Variants in TBC1D16 observed in about 807,000 individuals in gnomAD.
The protein encoded by TBC1D16 is CTD-2529O21.1.
Under a neutral mutation model 74.7 loss-of-function variants are expected in TBC1D16, and 58 were observed. The observed-to-expected ratio is 0.78, with a 90% CI of 0.63 to 0.97. The LOEUF is 0.97. Among genes scored for constraint, TBC1D16 ranks in the 50% least tolerant of loss-of-function variants. TBC1D16 has a pLI of 0.00. For missense variants in TBC1D16, 1,014 were observed against 1,079.5 expected (o/e 0.94, Z 0.85); for synonymous variants, 493 against 474.7 (o/e 1.04, Z -0.50).
At chr17:79,972,470 T>G (rs948816389) in intron 3 of TBC1D16, among the ~76,000 whole-genome samples, 2 of 152,170 alleles carry the variant, frequency 1.3e-5, no homozygotes, top group Admixed American at 1.3e-4. Flanking sequence ...TGTGAGCCAC[T>G]GCGCCCTGCT....
Position 79,959,175 on chromosome 17 carries a change from C to T in TBC1D16, c.780-6357G>A, listed in dbSNP as rs938940202. Among the ~76,000 whole-genome samples the T allele has an allele frequency of 2.6e-5, 4 of 152,106 alleles. No homozygotes were observed. In the South Asian group the frequency reaches 6.2e-4, roughly 24 times the overall value. ...AAAAAAATCCCCACATAAAATACTT[C>T]GGAATAAGCCTGACAAAAGACATTC... On this transcript the variant is annotated intron_variant, in intron 3 of 11. Coordinates refer to ENST00000310924, the MANE Select transcript of TBC1D16 (RefSeq NM_019020.4).
At position 79,934,266 on chromosome 17, in the gene TBC1D16, A is replaced by G. The variant is rs2031445018; in HGVS notation, c.*6593T>C. ...ATCCAGGGAACCAGCTGCCGGACAAATTGGAAGGGACCTTCTTGGCAGGAC... is the reference window on the plus strand; with the variant it reads ...ATCCAGGGAACCAGCTGCCGGACAAGTTGGAAGGGACCTTCTTGGCAGGAC... On this transcript the variant is annotated 3_prime_UTR_variant, in exon 12 of 12. Transcript: ENST00000310924. The G allele has an allele frequency of 6.6e-6, 1 of 152,460 alleles. No individual in the cohort carries two copies. Among genetic ancestry groups the G allele is most frequent in the Non-Finnish European group, 1.5e-5 (1 of 68,216 alleles). 9.4% of individuals were successfully genotyped at this position (152,460 alleles called of 1,614,324 possible). A position where few individuals can be genotyped will look rare whatever the true frequency, so the allele number is the denominator to read the frequency against.
In TBC1D16 at chr17:80,022,096, C is replaced by T. The variant is rs998235040; in HGVS notation, c.-62-8487G>A. Among the ~76,000 whole-genome samples, 3 of 149,640 alleles carry T rather than the reference C, an allele frequency of 2.0e-5. 1 individual carries two copies. The highest frequency in any genetic ancestry group is 5.1e-5 in the African/African-American group (2 of 39,112). On this transcript the variant is annotated intron_variant, in intron 1 of 11. Coordinates refer to ENST00000310924, the MANE Select transcript of TBC1D16 (RefSeq NM_019020.4). ...ATATAATCCTTTCCAAGCTAAAGATCGTTAAACATTGGTCTATATTTTCTT... is the reference window on the plus strand; with the variant it reads ...ATATAATCCTTTCCAAGCTAAAGATTGTTAAACATTGGTCTATATTTTCTT...
Position 79,961,638 on chromosome 17 carries a change from G to A in TBC1D16, c.780-8820C>T, listed in dbSNP as rs1221720283. ...GCACTTTGGGAGGCCGAGGCTGGTG[G>A]ATCACCTGAGGTCAGGAGTTTGAGA... is the stretch of plus-strand genomic sequence containing the variant. On this transcript the variant is annotated intron_variant, in intron 3 of 11. Coordinates refer to ENST00000310924, the MANE Select transcript of TBC1D16 (RefSeq NM_019020.4). This position sits in a 1 kb window ranked among gnomAD's most constrained non-coding sequence, Gnocchi z 4.8. 6.6e-6 allele frequency among the ~76,000 whole-genome samples: 1 copy of A among 152,188 alleles called. No homozygotes were observed. The highest frequency in any genetic ancestry group is 1.5e-5 in the Non-Finnish European group (1 of 68,036).
rs2143907620 is a variant in TBC1D16, at chr17:79,961,004, C to G, written c.780-8186G>C. Among the ~76,000 whole-genome samples the G allele has an allele frequency of 6.6e-6, 1 of 152,204 alleles. No homozygotes were observed. The highest frequency in any genetic ancestry group is 1.9e-4 in the East Asian group (1 of 5,180). ...TTACCCAAAATACATGGAAAATGTTCACACGAAATCTGTGTGTGAATGTTT... is the reference window on the plus strand; with the variant it reads ...TTACCCAAAATACATGGAAAATGTTGACACGAAATCTGTGTGTGAATGTTT... On this transcript the variant is annotated intron_variant, in intron 3 of 11. Coordinates refer to ENST00000310924, the MANE Select transcript of TBC1D16 (RefSeq NM_019020.4). The surrounding 1 kb of genome is among the most constrained non-coding windows in gnomAD (Gnocchi z 4.8).
chr17:80,006,850 G>A (rs2035696447), intron 3 of TBC1D16, among the ~76,000 whole-genome samples: 1 of 152,080 alleles, frequency 6.6e-6, no homozygotes, highest in Admixed American at 6.5e-5. Flanking sequence ...TTATAGAGAT[G>A]AGGTTTTGCC....
chr17:79,983,195 G>A lies in TBC1D16; in HGVS notation c.779+26965C>T, dbSNP rs1000388092. Among the ~76,000 whole-genome samples, 3 of 152,230 alleles carry A rather than the reference G, an allele frequency of 2.0e-5. No individual in the cohort carries two copies. The highest frequency in any genetic ancestry group is 4.8e-5 in the African/African-American group (2 of 41,462). ...TGTGCAGGCGTGAAACCCAGTGGCG[G>A]TTCAGAAGACGTGGCAGCGCGGGAG... On this transcript the variant is annotated intron_variant, in intron 3 of 11. Transcript: ENST00000310924. The surrounding 1 kb of genome is among the most constrained non-coding windows in gnomAD (Gnocchi z 5.6).
chr17:79,980,057 C>T lies in TBC1D16; in HGVS notation c.780-27239G>A, dbSNP rs1425160915. Among the ~76,000 whole-genome samples the T allele has an allele frequency of 9.2e-5, 14 of 152,148 alleles. No individual in the cohort carries two copies. Among genetic ancestry groups the T allele is most frequent in the Admixed American group, 8.5e-4 (13 of 15,278 alleles). On this transcript the variant is annotated intron_variant, in intron 3 of 11. Coordinates refer to ENST00000310924, the MANE Select transcript of TBC1D16 (RefSeq NM_019020.4). This position sits in a 1 kb window ranked among gnomAD's most constrained non-coding sequence, Gnocchi z 7.0. ...CATCCTTGCACCTGGAGGAGCAGCT[C>T]ACCGTGCCGTGGAGGGTGGCCGCGA...
At chr17:80,002,212 G>A (rs1363277956) in intron 3 of TBC1D16, among the ~76,000 whole-genome samples, 1 of 152,200 alleles carries the variant, frequency 6.6e-6, no homozygotes, top group Non-Finnish European at 1.5e-5. Flanking sequence ...CTCAGAGACT[G>A]GACTCTTCCC....
At chr17:80,014,154 C>T (rs1482848248) in intron 1 of TBC1D16, among the ~76,000 whole-genome samples, 1 of 152,130 alleles carries the variant, frequency 6.6e-6, no homozygotes. Flanking sequence ...GTAAGGGGTT[C>T]GAGACCAGCC....
In TBC1D16 at chr17:79,961,050, T is replaced by G. The variant is rs1171650390; in HGVS notation, c.780-8232A>C. Among the ~76,000 whole-genome samples the G allele has an allele frequency of 6.6e-6, 1 of 152,206 alleles. No individual in the cohort carries two copies. The highest frequency in any genetic ancestry group is 2.4e-5 in the African/African-American group (1 of 41,448). ...TGTTTATAGCAGTTTTATTCATCATTGCAGAAAACAGGAAATGACACAAAC... is the reference window on the plus strand; with the variant it reads ...TGTTTATAGCAGTTTTATTCATCATGGCAGAAAACAGGAAATGACACAAAC... On this transcript the variant is annotated intron_variant, in intron 3 of 11. Coordinates refer to ENST00000310924, the MANE Select transcript of TBC1D16 (RefSeq NM_019020.4). The surrounding 1 kb of genome is among the most constrained non-coding windows in gnomAD (Gnocchi z 4.8).
At position 79,988,834 on chromosome 17, in the gene TBC1D16, C is replaced by T. The variant is rs938792968; in HGVS notation, c.779+21326G>A. On this transcript the variant is annotated intron_variant, in intron 3 of 11. Coordinates refer to ENST00000310924, the MANE Select transcript of TBC1D16 (RefSeq NM_019020.4). This position sits in a 1 kb window ranked among gnomAD's most constrained non-coding sequence, Gnocchi z 5.7. ...TGGTGCTGTGTAGCCCGGCCAGCCCCGTGGAAGTCCTCAGCCTGGTCCCGT... is the reference window on the plus strand; with the variant it reads ...TGGTGCTGTGTAGCCCGGCCAGCCCTGTGGAAGTCCTCAGCCTGGTCCCGT... Among the ~76,000 whole-genome samples the T allele has an allele frequency of 5.9e-5, 9 of 152,196 alleles. No individual in the cohort carries two copies. The highest frequency in any genetic ancestry group is 7.3e-5 in the Non-Finnish European group (5 of 68,042).
rs951798173 is a variant in TBC1D16, at chr17:80,007,996, A to G, written c.779+2164T>C. Among the ~76,000 whole-genome samples the G allele has an allele frequency of 2.6e-5, 4 of 151,650 alleles. No individual in the cohort carries two copies. Among genetic ancestry groups the G allele is most frequent in the African/African-American group, 9.7e-5 (4 of 41,232 alleles). ...CGCCTGTCCGCTGCCCACTGATGCCAATACATCCCCACCCTCAGTTGTGAT... is the reference window on the plus strand; with the variant it reads ...CGCCTGTCCGCTGCCCACTGATGCCGATACATCCCCACCCTCAGTTGTGAT... On this transcript the variant is annotated intron_variant, in intron 3 of 11. Transcript: ENST00000310924. This position sits in a 1 kb window ranked among gnomAD's most constrained non-coding sequence, Gnocchi z 4.5.
At chr17:80,027,238 G>A (rs970949315) in intron 1 of TBC1D16, among the ~76,000 whole-genome samples, 8 of 152,202 alleles carry the variant, frequency 5.3e-5, no homozygotes, top group Admixed American at 3.3e-4. Flanking sequence ...CGAGGTGGGC[G>A]GATCGCCTGA....
Position 79,936,909 on chromosome 17 carries a change from C to CGTGTGTGCGTGTGTGTGTGTGT in TBC1D16, c.*3949_*3950insACACACACACACACGCACACAC. 8.2e-6 allele frequency: 1 copy of CGTGTGTGCGTGTGTGTGTGTGT among 122,304 alleles called. No homozygotes were observed. Among genetic ancestry groups the CGTGTGTGCGTGTGTGTGTGTGT allele is most frequent in the East Asian group, 2.6e-4 (1 of 3,838 alleles). The allele number at this position is 122,304 out of a possible 1,614,324, so 7.6% of individuals were successfully genotyped here. On this transcript the variant is annotated 3_prime_UTR_variant, in exon 12 of 12. Coordinates refer to ENST00000310924, the MANE Select transcript of TBC1D16 (RefSeq NM_019020.4). ...GTGCATGCGTGCGTGTGTGCATGTG[C>CGTGTGTGCGTGTGTGTGTGTGT]GTGTGTGTGTGTGTGTGTGTGTGTG...
chr17:79,941,140 C>A lies in TBC1D16; in HGVS notation c.2056-33G>T. The A allele has an allele frequency of 6.6e-7, 1 of 1,523,592 alleles. No homozygotes were observed. The highest frequency in any genetic ancestry group is 1.9e-5 in the Admixed American group (1 of 51,570). 94.4% of individuals were successfully genotyped at this position (1,523,592 alleles called of 1,614,324 possible). ...CAGAGGACGGGGGGTGAGGAGGGGCCGGGGGACAGCCTGGCAGCCTAGGGT... is the reference window on the plus strand; with the variant it reads ...CAGAGGACGGGGGGTGAGGAGGGGCAGGGGGACAGCCTGGCAGCCTAGGGT... On this transcript the variant is annotated intron_variant, in intron 11 of 11. Transcript: ENST00000310924. This position sits in a 1 kb window ranked among gnomAD's most constrained non-coding sequence, Gnocchi z 4.3.
At chr17:79,970,105 A>G (rs1382546804) in intron 3 of TBC1D16, among the ~76,000 whole-genome samples, 3 of 152,232 alleles carry the variant, frequency 2.0e-5, no homozygotes, top group Non-Finnish European at 4.4e-5. Flanking sequence ...TCAGCTATAA[A>G]TAGGAATGAA....
rs144489628 is a variant in TBC1D16, at chr17:79,950,446, G to T, written c.1222C>A (p.Leu408Met). ...VSAWLNHLNE[L>M]GQVEEEYKLR... ...TTGTACTCCTCCTCCACCTGGCCCA[G>T]CTCATTCAGGTGGTTGAGCCAGGCG... is the stretch of plus-strand genomic sequence containing the variant. The change falls in exon 6 of 12, where the codon CTG (leucine) becomes ATG (methionine). Residue 408 changes from leucine to methionine, a missense_variant. Transcript: ENST00000310924. This position sits in a 1 kb window ranked among gnomAD's most constrained non-coding sequence, Gnocchi z 4.6. 20 of 1,612,840 alleles carry T rather than the reference G, an allele frequency of 1.2e-5. No individual in the cohort carries two copies. In the East Asian group the frequency reaches 4.2e-4, roughly 34 times the overall value.
At chr17:79,945,672 A>T (rs1307363836) in intron 9 of TBC1D16, among the ~76,000 whole-genome samples, 1 of 152,202 alleles carries the variant, frequency 6.6e-6, no homozygotes, top group East Asian at 1.9e-4. Flanking sequence ...GCCGCTGGAA[A>T]ATCAATCTCC....
Sources: gnomAD v4.1 joint callset for allele counts (sites outside exome capture counted in the v4.1 genomes callset) on GRCh38, gnomAD v4.1.1 for gene constraint, Gnocchi (gnomAD v3.1) non-coding constraint, MANE v1.5 for transcripts, NCBI Gene and HGNC (gene_info 2026-07-23, HGNC 2026-07-21) for gene names.